KIF26B: variants seen among roughly 807,000 people sequenced by gnomAD.
The protein encoded by KIF26B is kinesin family member 26B.
Under a neutral mutation model 151.2 loss-of-function variants are expected in KIF26B, and 63 were observed. That is an observed-to-expected ratio of 0.42 (90% CI 0.34 to 0.51). KIF26B has a LOEUF of 0.51. KIF26B is among the 20% of genes least tolerant of loss of function. The pLI, the probability that KIF26B is intolerant of heterozygous loss-of-function variation, is 0.07. For synonymous variants in KIF26B, 1,357 were observed against 1,262.1 expected (o/e 1.08, Z -1.59); for missense variants, 2,813 against 2,913.6 (o/e 0.97, Z 0.79).
At chr1:245,316,393 G>A (rs1450857171) in intron 2 of KIF26B, among the ~76,000 whole-genome samples, 4 of 152,126 alleles carry the variant, frequency 2.6e-5, no homozygotes, top group African/African-American at 9.6e-5. Flanking sequence ...CAAAGTTCTG[G>A]GATTACAGGC....
At chr1:245,503,740 G>A (rs983801031) in intron 4 of KIF26B, among the ~76,000 whole-genome samples, 3 of 152,240 alleles carry the variant, frequency 2.0e-5, no homozygotes, top group Non-Finnish European at 4.4e-5. Context: ...CTTGGAGCTA[G>A]AACTTGGTTT....
intron 9 of KIF26B, among the ~76,000 whole-genome samples, chr1:245,636,134 T>C (rs1213560943): frequency 6.6e-6 from 1 of 152,180 alleles, no homozygotes; most frequent in Non-Finnish European, 1.5e-5. Flanking sequence ...AAGTAGATAT[T>C]TGATAGTATT....
At chr1:245,494,531 A>G (rs1660473448) in intron 4 of KIF26B, among the ~76,000 whole-genome samples, 2 of 152,194 alleles carry the variant, frequency 1.3e-5, no homozygotes, top group African/African-American at 4.8e-5. Flanking sequence ...ATCACTGAAG[A>G]AAGATGGGAG....
chr1:245,649,416 C>G (rs1167673210), intron 10 of KIF26B, among the ~76,000 whole-genome samples: 1 of 152,230 alleles, frequency 6.6e-6, no homozygotes, highest in Admixed American at 6.5e-5. Context: ...GCTGCCTTCA[C>G]TGCGCACGGC....
At chr1:245,530,895 T>C (rs548319371) in intron 4 of KIF26B, among the ~76,000 whole-genome samples, 2 of 152,354 alleles carry the variant, frequency 1.3e-5, no homozygotes, top group African/African-American at 2.4e-5. Flanking sequence ...TGTCTGTGAT[T>C]ATCATTCAAT....
intron 2 of KIF26B, among the ~76,000 whole-genome samples, chr1:245,252,276 CAAAAAA>C (rs5782329): frequency 8.8e-6 from 1 of 113,766 alleles, no homozygotes; most frequent in Non-Finnish European, 1.9e-5. Context: ...GACCTTGTCT[CAAAAAA>C]AAAAAAAAAA....
chr1:245,404,524 TGACCCATATTATAAA>T (rs1674087933), intron 3 of KIF26B, among the ~76,000 whole-genome samples: 1 of 152,190 alleles, frequency 6.6e-6, no homozygotes, highest in South Asian at 2.1e-4. Context: ...TGACTTTGCC[TGACCCATATTATAAA>T]GTTCTAACAA....
chr1:245,673,007 T>G (rs893854732), intron 10 of KIF26B, among the ~76,000 whole-genome samples: 1 of 152,200 alleles, frequency 6.6e-6, no homozygotes, highest in Non-Finnish European at 1.5e-5. Flanking sequence ...AGCCCCATAA[T>G]GCACCCAGTC....
In KIF26B at chr1:245,261,055, T is replaced by C. The variant is rs183235813; in HGVS notation, c.465+104372T>C. Among the ~76,000 whole-genome samples, 206 of 151,390 alleles carry C rather than the reference T, an allele frequency of 1.4e-3. 1 individual carries two copies. The highest frequency in any genetic ancestry group is 4.8e-3 in the African/African-American group (197 of 41,230). On this transcript the variant is annotated intron_variant, in intron 2 of 14. Transcript: ENST00000407071. ...TCTTTCTTTCTTTTCTTTCTCTCTC[T>C]CTCTCTCCTTCCTTCCTTCCCTCCC...
intron 2 of KIF26B, among the ~76,000 whole-genome samples, chr1:245,254,115 G>T (rs2103566691): frequency 6.6e-6 from 1 of 152,158 alleles, no homozygotes; most frequent in African/African-American, 2.4e-5. Flanking sequence ...CAGCTGAAGT[G>T]CTGTTTTTTT....
At chr1:245,209,108 A>G (rs1251951304) in intron 2 of KIF26B, among the ~76,000 whole-genome samples, 1 of 152,196 alleles carries the variant, frequency 6.6e-6, no homozygotes, top group East Asian at 1.9e-4. Flanking sequence ...CACTTAGAAA[A>G]ACATTAACAG....
chr1:245,415,563 G>A (rs57993580), intron 3 of KIF26B, among the ~76,000 whole-genome samples: 279 of 152,196 alleles, frequency 1.8e-3, no homozygotes, highest in African/African-American at 6.3e-3. Context: ...GCGCCTTCTC[G>A]CTCAGAATCA....
chr1:245,311,937 G>T (rs1671673594), intron 2 of KIF26B, among the ~76,000 whole-genome samples: 1 of 152,104 alleles, frequency 6.6e-6, no homozygotes, highest in Non-Finnish European at 1.5e-5. Flanking sequence ...CTCAGAAAAA[G>T]AAACAAAAAA....
rs758993117 is a variant in KIF26B, at chr1:245,184,050, G to GTTTTTTT, written c.465+27380_465+27386dup. On this transcript the variant is annotated intron_variant, in intron 2 of 14. Coordinates refer to ENST00000407071, the MANE Select transcript of KIF26B (RefSeq NM_018012.4). ...GCAACAGGTATGGGTGGGAGTTGTT[G>GTTTTTTT]TTTTTTTTTTTTTTTTTTTGAGCTT... 2.6e-3 allele frequency among the ~76,000 whole-genome samples: 51 copies of GTTTTTTT among 19,790 alleles called. 12 individuals carry two copies. Among genetic ancestry groups the GTTTTTTT allele is most frequent in the Middle Eastern group, 0.033 (1 of 30 alleles). 13.0% of individuals were successfully genotyped at this position (19,790 alleles called of 152,430 possible). A position where few individuals can be genotyped will look rare whatever the true frequency, so the allele number is the denominator to read the frequency against.
chr1:245,171,519 A>G (rs150442437), intron 2 of KIF26B, among the ~76,000 whole-genome samples: 321 of 152,260 alleles, frequency 2.1e-3, no homozygotes, highest in Non-Finnish European at 3.6e-3. Context: ...ACTCCAGCCT[A>G]GGCGACAGAG....
Position 245,280,480 on chromosome 1 carries a change from G to A in KIF26B, c.466-86354G>A, listed in dbSNP as rs531104813. Among the ~76,000 whole-genome samples, 275 of 133,630 alleles carry A rather than the reference G, an allele frequency of 2.1e-3. 3 individuals carry two copies. Among genetic ancestry groups the A allele is most frequent in the South Asian group, 0.019 (81 of 4,206 alleles). 87.7% of individuals were successfully genotyped at this position (133,630 alleles called of 152,430 possible). On this transcript the variant is annotated intron_variant, in intron 2 of 14. Transcript: ENST00000407071. ...TGGGAGACAGAGCTTGCAGTAAGCC[G>A]AGATCGCACCACTGCACTCCAGCCT...
chr1:245,410,503 C>A (rs1674251799), intron 3 of KIF26B, among the ~76,000 whole-genome samples: 1 of 152,170 alleles, frequency 6.6e-6, no homozygotes, highest in African/African-American at 2.4e-5. Flanking sequence ...AGCTGGAGTG[C>A]AGTGGCACAA....
At chr1:245,547,204 C>A (rs1661763935) in intron 5 of KIF26B, among the ~76,000 whole-genome samples, 1 of 152,218 alleles carries the variant, frequency 6.6e-6, no homozygotes, top group Non-Finnish European at 1.5e-5. Context: ...ACTTAGCACT[C>A]CCCGTTCTTG....
intron 3 of KIF26B, among the ~76,000 whole-genome samples, chr1:245,407,490 C>G (rs1468447545): frequency 6.6e-6 from 1 of 151,390 alleles, no homozygotes; most frequent in African/African-American, 2.4e-5. Flanking sequence ...GTTCTTTTTT[C>G]TCTCTTTGTT....
Sources: gnomAD v4.1 joint callset for allele counts (sites outside exome capture counted in the v4.1 genomes callset) on GRCh38, gnomAD v4.1.1 for gene constraint, MANE v1.5 for transcripts, NCBI Gene and HGNC (gene_info 2026-07-23, HGNC 2026-07-21) for gene names.